The following TRIM44 variants were observed in gnomAD, a reference collection of about 807,000 sequenced individuals.
TRIM44 encodes the protein tripartite motif containing 44.
In TRIM44, 13 loss-of-function variants were observed where a neutral mutation model predicts 37.4. That is an observed-to-expected ratio of 0.35 (90% CI 0.23 to 0.55). TRIM44 has a LOEUF of 0.55. Ranked by LOEUF, TRIM44 falls within the 20% of genes least tolerant of loss-of-function variation. The pLI is 0.89. For missense variants in TRIM44, 426 were observed against 437.2 expected, an observed-to-expected ratio of 0.97 and a Z score of 0.23; for synonymous variants, 175 against 157.2, an observed-to-expected ratio of 1.11 and a Z score of -0.85.
At chr11:35,673,239 A>G (rs1380145487) in intron 1 of TRIM44, among the ~76,000 whole-genome samples, 1 of 152,180 alleles carries the variant, frequency 6.6e-6, no homozygotes, top group Non-Finnish European at 1.5e-5. Context: ...TGTGTTATAG[A>G]AGGCATCTCT....
At chr11:35,684,064 G>C (rs1308942440) in intron 1 of TRIM44, among the ~76,000 whole-genome samples, 1 of 152,150 alleles carries the variant, frequency 6.6e-6, no homozygotes, top group Non-Finnish European at 1.5e-5. Context: ...AATTGAGACA[G>C]AGAGAGGGTA....
chr11:35,737,785 G>A (rs138441397), intron 4 of TRIM44, among the ~76,000 whole-genome samples: 3,427 of 151,896 alleles, frequency 0.023, 119 homozygotes, highest in African/African-American at 0.077. Context: ...GCAGTGAGCC[G>A]AGATTGTGCC....
intron 4 of TRIM44, among the ~76,000 whole-genome samples, chr11:35,769,171 C>T (rs1273684967): frequency 6.6e-6 from 1 of 152,178 alleles, no homozygotes; most frequent in Non-Finnish European, 1.5e-5. Flanking sequence ...GCTCAGTAAG[C>T]ATGTGAGTCT....
At chr11:35,758,524 G>A (rs1174009446) in intron 4 of TRIM44, among the ~76,000 whole-genome samples, 1 of 152,154 alleles carries the variant, frequency 6.6e-6, no homozygotes. Flanking sequence ...TGTTATGTGT[G>A]AATTTGATCC....
chr11:35,775,019 C>T (rs1852936168), intron 4 of TRIM44, among the ~76,000 whole-genome samples: 1 of 152,176 alleles, frequency 6.6e-6, no homozygotes, highest in Non-Finnish European at 1.5e-5. Context: ...TCATTGGTAG[C>T]TTGATTGGGG....
At chr11:35,666,806 G>T (rs148651950) in intron 1 of TRIM44, among the ~76,000 whole-genome samples, 1 of 151,436 alleles carries the variant, frequency 6.6e-6, no homozygotes, top group African/African-American at 2.5e-5. Context: ...ATTGAATATA[G>T]GAATATGATT....
At chr11:35,734,541 A>G (rs1039562163) in intron 3 of TRIM44, among the ~76,000 whole-genome samples, 2 of 152,192 alleles carry the variant, frequency 1.3e-5, no homozygotes, top group African/African-American at 4.8e-5. Flanking sequence ...CAGAATGTAC[A>G]TTCTCTATTG....
intron 3 of TRIM44, among the ~76,000 whole-genome samples, chr11:35,727,693 A>C (rs114098751): frequency 1.9e-3 from 290 of 152,326 alleles, no homozygotes; most frequent in African/African-American, 6.7e-3. Flanking sequence ...TGAGATACAG[A>C]GAACTGCAGA....
intron 3 of TRIM44, among the ~76,000 whole-genome samples, chr11:35,732,819 A>G (rs188740310): frequency 3.9e-5 from 6 of 152,342 alleles, no homozygotes; most frequent in East Asian, 1.9e-4. Context: ...AAGGTTAGCA[A>G]TCCTCTCCGT....
chr11:35,811,206 G>A lies in TRIM44; in HGVS notation c.*4821G>A, dbSNP rs925600023. The A allele has an allele frequency of 2.0e-5, 3 of 152,080 alleles. No homozygotes were observed. Among genetic ancestry groups the A allele is most frequent in the Non-Finnish European group, 4.4e-5 (3 of 68,008 alleles). 9.4% of individuals were successfully genotyped at this position (152,080 alleles called of 1,614,324 possible). On this transcript the variant is annotated 3_prime_UTR_variant, in exon 5 of 5. Transcript: ENST00000299413. ...TCCTGACTTTTCCACAGTGCCTTAG[G>A]AGAGAGCTCTGGGAAGTGGCAAAAG...
intron 4 of TRIM44, 34 bp downstream of exon 4, chr11:35,735,479 A>G: frequency 1.2e-6 from 2 of 1,611,914 alleles, no homozygotes; most frequent in East Asian, 2.2e-5. Context: ...TTTTCTCATA[A>G]TTGAAGTAGA....
At chr11:35,693,086 A>C (rs549384612) in intron 2 of TRIM44, among the ~76,000 whole-genome samples, 2 of 152,246 alleles carry the variant, frequency 1.3e-5, no homozygotes, top group East Asian at 3.9e-4. Context: ...ACAATAAGTG[A>C]CATAAAGAAA....
chr11:35,745,243 A>G (rs1422134394), intron 4 of TRIM44, among the ~76,000 whole-genome samples: 2 of 152,162 alleles, frequency 1.3e-5, no homozygotes, highest in East Asian at 1.9e-4. Flanking sequence ...GTGAGATGGT[A>G]TCTCATTGTA....
chr11:35,747,158 A>C (rs1315578669), intron 4 of TRIM44, among the ~76,000 whole-genome samples: 1 of 152,212 alleles, frequency 6.6e-6, no homozygotes, highest in Admixed American at 6.5e-5. Context: ...ATTGTCTCTC[A>C]TACAAAGACT....
chr11:35,696,634 G>T (rs756671594), intron 2 of TRIM44, among the ~76,000 whole-genome samples: 5 of 151,352 alleles, frequency 3.3e-5, no homozygotes, highest in Non-Finnish European at 7.4e-5. Context: ...GGATCACGAG[G>T]TCAAGAGATC....
At position 35,811,650 on chromosome 11, in the gene TRIM44, G is replaced by A. The variant is rs190274216; in HGVS notation, c.*5265G>A. On this transcript the variant is annotated 3_prime_UTR_variant, in exon 5 of 5. Coordinates refer to ENST00000299413, the MANE Select transcript of TRIM44 (RefSeq NM_017583.6). The stretch of plus-strand genomic sequence containing the variant: ...GGAGCCAAATGTGAAGACTCAAGAT[G>A]GTAGATACTGTGTGAATTAGAAAAT... 5.3e-5 allele frequency: 8 copies of A among 152,264 alleles called. No individual in the cohort carries two copies. The highest frequency in any genetic ancestry group is 1.9e-4 in the African/African-American group (8 of 41,556). The allele number at this position is 152,264 out of a possible 1,614,324, so 9.4% of individuals were successfully genotyped here. A position where few individuals can be genotyped will look rare whatever the true frequency, so the allele number is the denominator to read the frequency against.
intron 4 of TRIM44, among the ~76,000 whole-genome samples, chr11:35,800,907 C>T (rs1353234530): frequency 1.3e-5 from 2 of 152,192 alleles, no homozygotes; most frequent in Non-Finnish European, 2.9e-5. Context: ...CCTAGAGTCA[C>T]ACAGCAGAAC....
intron 4 of TRIM44, among the ~76,000 whole-genome samples, chr11:35,795,939 C>T (rs2133880553): frequency 6.6e-6 from 1 of 152,314 alleles, no homozygotes; most frequent in South Asian, 2.1e-4. Context: ...ACTTCATATA[C>T]ATTAATCTAA....
chr11:35,779,692 G>C (rs917210684), intron 4 of TRIM44, among the ~76,000 whole-genome samples: 1 of 152,092 alleles, frequency 6.6e-6, no homozygotes, highest in Non-Finnish European at 1.5e-5. Context: ...CGATGTCCAG[G>C]ATGGTGTTTC....
Sources: allele counts gnomAD v4.1 joint callset (sites outside exome capture counted in the v4.1 genomes callset), GRCh38; gene constraint gnomAD v4.1.1; transcripts MANE v1.5; gene names NCBI Gene and HGNC (gene_info 2026-07-23, HGNC 2026-07-21).